Variants in NR5A2 observed in about 807,000 individuals in gnomAD.
NR5A2 encodes CYP7A promoter-binding factor.
In NR5A2, 26 loss-of-function variants were observed where a neutral mutation model predicts 62.7. That is an observed-to-expected ratio of 0.41 (90% CI 0.30 to 0.58). NR5A2 has a LOEUF of 0.58. Ranked by LOEUF, NR5A2 falls within the 20% of genes least tolerant of loss-of-function variation. The probability of loss-of-function intolerance (pLI) is 0.22; values close to 1 mark genes in which losing one functional copy is unlikely to be tolerated. For missense variants in NR5A2, 541 were observed against 669.1 expected, an observed-to-expected ratio of 0.81 and a Z score of 2.11; for synonymous variants, 246 against 241.7, an observed-to-expected ratio of 1.02 and a Z score of -0.16.
At chr1:200,126,638 T>TC (rs1406108110) in intron 7 of NR5A2, among the ~76,000 whole-genome samples, 5 of 152,002 alleles carry the variant, frequency 3.3e-5, no homozygotes, top group African/African-American at 1.2e-4. Flanking sequence ...CATCTTCTTT[T>TC]CCCCTTTAGA....
chr1:200,064,732 G>T (rs1201622536), intron 5 of NR5A2, among the ~76,000 whole-genome samples: 1 of 152,124 alleles, frequency 6.6e-6, no homozygotes, highest in African/African-American at 2.4e-5. Flanking sequence ...CCAGCATTTA[G>T]CTTAAAGTGC....
rs1395839169 is a variant in NR5A2 at position 200,048,041 on chromosome 1, G to A, written c.464-131G>A. 4 of 781,520 alleles carry A rather than the reference G, an allele frequency of 5.1e-6. No individual in the cohort carries two copies. The highest frequency in any genetic ancestry group is 8.0e-6 in the Non-Finnish European group (4 of 499,230). 48.4% of individuals were successfully genotyped at this position (781,520 alleles called of 1,614,324 possible). A position where few individuals can be genotyped will look rare whatever the true frequency, so the allele number is the denominator to read the frequency against. Reference sequence around the variant, plus strand: ...CATGGTTTTTTGGGAAATCTTTGTGGGCTATTGTAACGAAAACAACCACAC... The same window carrying A: ...CATGGTTTTTTGGGAAATCTTTGTGAGCTATTGTAACGAAAACAACCACAC... On this transcript the variant is annotated intron_variant, in intron 4 of 7. Transcript: ENST00000367362. This position sits in a 1 kb window ranked among gnomAD's most constrained non-coding sequence, Gnocchi z 4.8.
chr1:200,053,054 G>T (rs1036627450), intron 5 of NR5A2, among the ~76,000 whole-genome samples: 3 of 152,122 alleles, frequency 2.0e-5, no homozygotes, highest in African/African-American at 7.2e-5. Flanking sequence ...TTGGTAGGTT[G>T]TTTTGTTTTT....
At chr1:200,173,910 G>T in intron 7 of NR5A2, 53 bp from the exon 8 acceptor site, 2 of 1,394,078 alleles carry the variant, frequency 1.4e-6, no homozygotes, top group South Asian at 3.5e-5. Flanking sequence ...TTAGTAAACA[G>T]GAATTGAAAT....
intron 7 of NR5A2, among the ~76,000 whole-genome samples, chr1:200,139,678 CTTTTGTTTTG>C (rs143095818): frequency 1.3e-5 from 2 of 151,942 alleles, no homozygotes; most frequent in African/African-American, 4.8e-5. Flanking sequence ...TTTCATTGTT[CTTTTGTTTTG>C]TTTTGTTTTG....
At chr1:200,127,537 TGTG>T (rs1343454027) in intron 7 of NR5A2, among the ~76,000 whole-genome samples, 14 of 150,892 alleles carry the variant, frequency 9.3e-5, no homozygotes, top group Admixed American at 9.3e-4. Context: ...ATTACCCAGG[TGTG>T]GTGGTGGGCA....
rs545151830 is a variant in NR5A2, at chr1:200,048,386, C to G, written c.678C>G (p.Asn226Lys). Residue 226 changes from asparagine to lysine, a missense_variant, in exon 5 of 8, where the codon AAC (asparagine) becomes AAG (lysine). Transcript: ENST00000367362. The surrounding 1 kb of genome is among the most constrained non-coding windows in gnomAD (Gnocchi z 4.8). ...IHSASKGLPL[N>K]HAALPPTDYD... ...CTGCCTCCAAAGGCCTACCTCTGAACCATGCTGCCTTGCCTCCTACAGACT... is the reference window on the plus strand; with the variant it reads ...CTGCCTCCAAAGGCCTACCTCTGAAGCATGCTGCCTTGCCTCCTACAGACT... 6.6e-5 allele frequency: 107 copies of G among 1,614,208 alleles called. 1 individual carries two copies. In the South Asian group the frequency reaches 1.1e-3, roughly 17 times the overall value.
At chr1:200,060,939 TA>T (rs60736317) in intron 5 of NR5A2, among the ~76,000 whole-genome samples, 2,803 of 87,824 alleles carry the variant, frequency 0.032, 84 homozygotes, top group African/African-American at 0.1. Flanking sequence ...CCATCTCTAC[TA>T]AAAAAAAAAA....
chr1:200,092,472 G>A (rs1266496286), intron 5 of NR5A2, among the ~76,000 whole-genome samples: 4 of 152,080 alleles, frequency 2.6e-5, no homozygotes, highest in Admixed American at 1.3e-4. Flanking sequence ...CACTTACTCC[G>A]GGATGAAATC....
At position 200,034,103 on chromosome 1, in the gene NR5A2, T is replaced by C. The variant is rs80011652; in HGVS notation, c.65-5555T>C. ...ATTTAAATGGCAGCCTAGAATAATC[T>C]CGTGCTAAGGATTTTGTTCCTGACC... On this transcript the variant is annotated intron_variant, in intron 1 of 7. Transcript: ENST00000367362. Among the ~76,000 whole-genome samples, 1,046 of 152,236 alleles carry C rather than the reference T, an allele frequency of 6.9e-3. 15 individuals carry two copies. Among genetic ancestry groups the C allele is most frequent in the African/African-American group, 0.024 (1,016 of 41,522 alleles).
intron 4 of NR5A2, among the ~76,000 whole-genome samples, chr1:200,046,680 T>C (rs1480901536): frequency 6.6e-6 from 1 of 152,134 alleles, no homozygotes; most frequent in African/African-American, 2.4e-5. Context: ...AGGAAATAAT[T>C]GATGCTTATT....
At chr1:200,053,594 CACACACACACACAA>C (rs1334813059) in intron 5 of NR5A2, among the ~76,000 whole-genome samples, 1 of 151,736 alleles carries the variant, frequency 6.6e-6, no homozygotes, top group Non-Finnish European at 1.5e-5. Flanking sequence ...CACACACACA[CACACACACACACAA>C]AGAGGCAGTG....
intron 7 of NR5A2, among the ~76,000 whole-genome samples, chr1:200,130,678 C>G (rs1364990448): frequency 1.3e-5 from 2 of 152,170 alleles, no homozygotes; most frequent in Admixed American, 1.3e-4. Context: ...GGTTTTGAAA[C>G]AGCAAAACCT....
At chr1:200,067,516 A>G (rs1287859927) in intron 5 of NR5A2, among the ~76,000 whole-genome samples, 3 of 152,206 alleles carry the variant, frequency 2.0e-5, no homozygotes. Flanking sequence ...TGATCGTGCC[A>G]TTGCACTCCA....
At chr1:200,035,665 A>G (rs1297219105) in intron 1 of NR5A2, among the ~76,000 whole-genome samples, 2 of 152,160 alleles carry the variant, frequency 1.3e-5, no homozygotes, top group Non-Finnish European at 2.9e-5. Context: ...TGGATAAAAT[A>G]TGCTAGGACT....
At chr1:200,099,263 C>A (rs1023991039) in intron 5 of NR5A2, among the ~76,000 whole-genome samples, 1 of 151,928 alleles carries the variant, frequency 6.6e-6, no homozygotes, top group Admixed American at 6.6e-5. Context: ...CACTCGAATT[C>A]TTTTCTCCTT....
At chr1:200,148,204 A>G (rs1039176309) in intron 7 of NR5A2, 23 of 255,256 alleles carry the variant, frequency 9.0e-5, no homozygotes, top group African/African-American at 5.1e-4. Flanking sequence ...CGTTGGGCCT[A>G]TCAGCCGCCG....
At chr1:200,097,686 A>C (rs76184729) in intron 5 of NR5A2, among the ~76,000 whole-genome samples, 2,309 of 152,302 alleles carry the variant, frequency 0.015, 59 homozygotes, top group African/African-American at 0.052. Flanking sequence ...TTGTCTTGGG[A>C]CTGACCTACA....
At chr1:200,077,037 C>T (rs1052015948) in intron 5 of NR5A2, among the ~76,000 whole-genome samples, 2 of 152,154 alleles carry the variant, frequency 1.3e-5, no homozygotes, top group African/African-American at 4.8e-5. Context: ...AAGAAAAAAC[C>T]TAACAAGCGT....
Sources: gnomAD v4.1 joint callset for allele counts (sites outside exome capture counted in the v4.1 genomes callset) on GRCh38, gnomAD v4.1.1 for gene constraint, Gnocchi (gnomAD v3.1) non-coding constraint, MANE v1.5 for transcripts, NCBI Gene and HGNC (gene_info 2026-07-23, HGNC 2026-07-21) for gene names.